The following GAS7 variants were observed in gnomAD, a reference collection of about 807,000 sequenced individuals.
The protein encoded by GAS7 is growth arrest-specific protein 7.
Under a neutral mutation model 71.1 loss-of-function variants are expected in GAS7, and 28 were observed. The observed-to-expected ratio is 0.39, with a 90% CI of 0.29 to 0.54. GAS7 has a LOEUF of 0.54. Ranked by LOEUF, GAS7 falls within the 20% of genes least tolerant of loss-of-function variation. GAS7 has a pLI of 0.62. For synonymous variants in GAS7, 258 were observed against 245.8 expected (o/e 1.05, Z -0.46); for missense variants, 436 against 627.8 (o/e 0.69, Z 3.27).
chr17:10,185,265 G>A (rs901691115), intron 1 of GAS7, among the ~76,000 whole-genome samples: 2 of 152,194 alleles, frequency 1.3e-5, no homozygotes, highest in African/African-American at 4.8e-5. Context: ...CTTCTGGGTT[G>A]CTGAACACAT....
At chr17:10,156,324 C>A (rs1037664248) in intron 1 of GAS7, among the ~76,000 whole-genome samples, 6 of 152,212 alleles carry the variant, frequency 3.9e-5, no homozygotes, top group Non-Finnish European at 8.8e-5. Flanking sequence ...TTTCTTGACT[C>A]AAGCCAGGCA....
intron 1 of GAS7, among the ~76,000 whole-genome samples, chr17:10,170,180 C>T (rs2074325639): frequency 6.6e-6 from 1 of 151,954 alleles, no homozygotes; most frequent in Non-Finnish European, 1.5e-5. Flanking sequence ...ATCATTCATT[C>T]CCAAGAGAGC....
At chr17:10,048,378 G>A (rs975061360) in intron 1 of GAS7, among the ~76,000 whole-genome samples, 1 of 152,052 alleles carries the variant, frequency 6.6e-6, no homozygotes, top group Non-Finnish European at 1.5e-5. Flanking sequence ...GGTTACCCAG[G>A]AAATCAGATT....
In GAS7 at chr17:10,157,857, G is replaced by A. The variant is rs144710043; in HGVS notation, c.183+40351C>T. 2.2e-3 allele frequency among the ~76,000 whole-genome samples: 331 copies of A among 152,248 alleles called. 1 individual carries two copies. Among genetic ancestry groups the A allele is most frequent in the African/African-American group, 7.6e-3 (315 of 41,556 alleles). On this transcript the variant is annotated intron_variant, in intron 1 of 13. Transcript: ENST00000432992. ...ATGGCCAGTAAGCATATAGGTACTC[G>A]TAGGCTGGACATGGTGGTATCCACC...
At chr17:10,072,253 A>T (rs935019888) in intron 1 of GAS7, among the ~76,000 whole-genome samples, 6 of 152,188 alleles carry the variant, frequency 3.9e-5, no homozygotes, top group Non-Finnish European at 8.8e-5. Context: ...GGGCCCAGAC[A>T]CTATCTGCCC....
chr17:10,181,937 C>A (rs554027233), intron 1 of GAS7, among the ~76,000 whole-genome samples: 4 of 152,180 alleles, frequency 2.6e-5, no homozygotes, highest in Non-Finnish European at 5.9e-5. Context: ...AATGACACTC[C>A]CACCAGCGCC....
At chr17:10,041,330 T>C (rs1396386923) in intron 1 of GAS7, among the ~76,000 whole-genome samples, 9 of 152,194 alleles carry the variant, frequency 5.9e-5, no homozygotes, top group Non-Finnish European at 1.2e-4. Flanking sequence ...GTTTTGATGC[T>C]GTTAAACATT....
intron 1 of GAS7, among the ~76,000 whole-genome samples, chr17:10,196,434 G>C (rs4525532): frequency 0.35 from 53,147 of 151,994 alleles, 9,338 homozygotes; most frequent in Middle Eastern, 0.4. Flanking sequence ...TGCTTCTGTT[G>C]CAAGTTACTA....
intron 1 of GAS7, among the ~76,000 whole-genome samples, chr17:10,186,699 C>T (rs7504079): frequency 0.33 from 50,537 of 151,916 alleles, 8,538 homozygotes; most frequent in Middle Eastern, 0.42. Context: ...AGCCACCGTG[C>T]CCGGCCCAAA....
At chr17:10,074,121 G>C (rs899968489) in intron 1 of GAS7, among the ~76,000 whole-genome samples, 1 of 152,174 alleles carries the variant, frequency 6.6e-6, no homozygotes, top group Non-Finnish European at 1.5e-5. Flanking sequence ...ACGATAACAG[G>C]AGAAAGCAGG....
At chr17:10,180,426 G>A (rs781548642) in intron 1 of GAS7, among the ~76,000 whole-genome samples, 2 of 151,558 alleles carry the variant, frequency 1.3e-5, no homozygotes, top group Non-Finnish European at 2.9e-5. Context: ...ACCCAGGTCT[G>A]ATCAGCTCTA....
At chr17:10,116,930 C>T (rs555314727) in intron 1 of GAS7, among the ~76,000 whole-genome samples, 1 of 152,038 alleles carries the variant, frequency 6.6e-6, no homozygotes. Context: ...GTGGACCTGC[C>T]AGAGTGAGTG....
rs928360200 is a variant in GAS7 at position 10,026,274 on chromosome 17, C to A, written c.184-6377G>T. The stretch of plus-strand genomic sequence containing the variant: ...ACTCTGCATCCTCTCACACCCCAAA[C>A]CCAGAAGCAATAGGAGCTCTAAAGA... On this transcript the variant is annotated intron_variant, in intron 1 of 13. Transcript: ENST00000432992. The surrounding 1 kb of genome is among the most constrained non-coding windows in gnomAD (Gnocchi z 4.5). 1.0e-6 allele frequency: 1 copy of A among 985,566 alleles called. No homozygotes were observed. The highest frequency in any genetic ancestry group is 1.2e-6 in the Non-Finnish European group (1 of 830,078). 61.1% of individuals were successfully genotyped at this position (985,566 alleles called of 1,614,324 possible). A position where few individuals can be genotyped will look rare whatever the true frequency, so the allele number is the denominator to read the frequency against.
At chr17:9,994,724 C>T (rs936151739) in intron 2 of GAS7, among the ~76,000 whole-genome samples, 3 of 146,632 alleles carry the variant, frequency 2.0e-5, no homozygotes, top group Non-Finnish European at 4.5e-5. Context: ...CAAAAGACTA[C>T]CATCAGAGTG....
At chr17:10,055,251 G>A (rs1256715391) in intron 1 of GAS7, among the ~76,000 whole-genome samples, 3 of 152,198 alleles carry the variant, frequency 2.0e-5, no homozygotes, top group Non-Finnish European at 4.4e-5. Flanking sequence ...CTGGGAACAT[G>A]GGGCATGGTG....
At chr17:9,996,979 T>C (rs2071072357) in intron 2 of GAS7, among the ~76,000 whole-genome samples, 1 of 151,624 alleles carries the variant, frequency 6.6e-6, no homozygotes, top group South Asian at 2.1e-4. Context: ...TTTGAATCTA[T>C]GAGAAATTTC....
At chr17:10,124,759 A>T (rs1326385147) in intron 1 of GAS7, among the ~76,000 whole-genome samples, 1 of 152,064 alleles carries the variant, frequency 6.6e-6, no homozygotes, top group Admixed American at 6.5e-5. Flanking sequence ...CTCTACTAAA[A>T]ATACAAAAAT....
intron 1 of GAS7, among the ~76,000 whole-genome samples, chr17:10,118,717 A>G (rs529785931): frequency 6.6e-5 from 10 of 151,452 alleles, no homozygotes; most frequent in African/African-American, 2.2e-4. Context: ...AAAAAAAAAA[A>G]AAAAAAAAAG....
intron 3 of GAS7, among the ~76,000 whole-genome samples, chr17:9,971,701 A>G (rs2069969657): frequency 6.6e-6 from 1 of 152,156 alleles, no homozygotes. Context: ...CCAGGCTTCA[A>G]GTAATTGCCA....
Sources: gnomAD v4.1 joint callset for allele counts (sites outside exome capture counted in the v4.1 genomes callset) on GRCh38, gnomAD v4.1.1 for gene constraint, Gnocchi (gnomAD v3.1) non-coding constraint, MANE v1.5 for transcripts, NCBI Gene and HGNC (gene_info 2026-07-23, HGNC 2026-07-21) for gene names.